The following TENM3 variants were observed in gnomAD, a reference collection of about 807,000 sequenced individuals.
TENM3 encodes teneurin transmembrane protein 3, also known as teneurin-3.
TENM3 carries 63 observed loss-of-function variants against 255.1 expected under a neutral mutation model. That is an observed-to-expected ratio of 0.25 (90% confidence interval 0.20 to 0.30). The LOEUF (loss-of-function observed/expected upper bound fraction) is 0.30, where lower values mean the gene tolerates loss of function less well. TENM3 is among the 10% of genes least tolerant of loss of function. TENM3 has a pLI of 1.00. For missense variants in TENM3, 2,929 were observed against 3,461.1 expected (o/e 0.85, Z 3.86); for synonymous variants, 1,306 against 1,322.3 (o/e 0.99, Z 0.27).
the TENM3 span, among the ~76,000 whole-genome samples, chr4:182,106,455 C>T: frequency 8.5e-5 from 13 of 152,144 alleles, no homozygotes; most frequent in Admixed American, 7.9e-4. Flanking sequence ...AGGCCCCTGC[C>T]TCCAAAAATA....
chr4:182,352,086 T>G (rs1765221203), intron 3 of TENM3, among the ~76,000 whole-genome samples: 5 of 151,990 alleles, frequency 3.3e-5, no homozygotes, highest in African/African-American at 7.2e-5. Context: ...TCAATAGATA[T>G]CTCCTCCTCC....
chr4:182,244,157 T>G (rs559253845), intron 1 of TENM3, among the ~76,000 whole-genome samples: 4,105 of 148,908 alleles, frequency 0.028, 60 homozygotes, highest in Non-Finnish European at 0.038. Context: ...GTTTCACCAT[T>G]TTAGCCGGGA....
At chr4:182,699,042 C>T (rs1579152923) in intron 12 of TENM3, among the ~76,000 whole-genome samples, 1 of 152,154 alleles carries the variant, frequency 6.6e-6, no homozygotes, top group Non-Finnish European at 1.5e-5. Context: ...AAAAGAAATA[C>T]GCTTCACATA....
At chr4:182,151,690 CGAA>C (rs969288728) in intron 1 of TENM3, among the ~76,000 whole-genome samples, 2 of 151,658 alleles carry the variant, frequency 1.3e-5, no homozygotes, top group Non-Finnish European at 2.9e-5. Flanking sequence ...AACAAAAAAA[CGAA>C]GAAACAAAAG....
the TENM3 span, among the ~76,000 whole-genome samples, chr4:181,463,728 A>G: frequency 6.6e-6 from 1 of 152,142 alleles, no homozygotes; most frequent in Admixed American, 6.5e-5. Flanking sequence ...GGGCTGTGCA[A>G]CCATCATCCA....
the TENM3 span, among the ~76,000 whole-genome samples, chr4:181,878,300 A>G: frequency 3.3e-5 from 5 of 151,588 alleles, no homozygotes; most frequent in African/African-American, 1.2e-4. Flanking sequence ...TGATAGAAAA[A>G]TGGGGGGAAA....
chr4:181,905,725 TA>T, the TENM3 span: 1 of 231,492 alleles, frequency 4.3e-6, no homozygotes, highest in Non-Finnish European at 8.5e-6. Context: ...CGGCTCACCT[TA>T]AAAGCCTGGT....
chr4:182,654,003 G>A (rs894422801), intron 6 of TENM3, 110 bp downstream of exon 6: 13 of 995,140 alleles, frequency 1.3e-5, no homozygotes, highest in African/African-American at 8.3e-5. Flanking sequence ...AAAAGTGTTC[G>A]AAATTACAGA....
chr4:181,884,907 T>A, the TENM3 span, among the ~76,000 whole-genome samples: 1 of 152,158 alleles, frequency 6.6e-6, no homozygotes, highest in Non-Finnish European at 1.5e-5. Flanking sequence ...ATTTTCCATA[T>A]GGAAAATGTT....
At chr4:182,702,424 C>T (rs903499391) in intron 12 of TENM3, among the ~76,000 whole-genome samples, 1 of 152,188 alleles carries the variant, frequency 6.6e-6, no homozygotes, top group Non-Finnish European at 1.5e-5. Flanking sequence ...TTTCTTTCCT[C>T]AAAGTCAGAC....
intron 1 of TENM3, chr4:182,190,379 C>G (rs1472060159): frequency 6.6e-6 from 1 of 152,192 alleles, no homozygotes; most frequent in Non-Finnish European, 1.5e-5. Context: ...ATGCACTGTT[C>G]TTTCTGCGTA....
the TENM3 span, among the ~76,000 whole-genome samples, chr4:181,958,761 C>T: frequency 1.3e-5 from 2 of 152,144 alleles, no homozygotes; most frequent in Non-Finnish European, 2.9e-5. Flanking sequence ...CTTGATTATA[C>T]ATTGTAGAAG....
the TENM3 span, among the ~76,000 whole-genome samples, chr4:181,469,369 T>C: frequency 6.6e-6 from 1 of 152,216 alleles, no homozygotes; most frequent in African/African-American, 2.4e-5. Context: ...GCTACTTTTA[T>C]AAATTATTGT....
At chr4:181,828,950 C>A in the TENM3 span, among the ~76,000 whole-genome samples, 2 of 152,134 alleles carry the variant, frequency 1.3e-5, no homozygotes, top group African/African-American at 4.8e-5. Flanking sequence ...CTGTCAGGGA[C>A]CCCCTCTGGT....
the TENM3 span, among the ~76,000 whole-genome samples, chr4:181,766,231 C>G: frequency 3.9e-5 from 6 of 152,250 alleles, no homozygotes; most frequent in South Asian, 1.2e-3. Context: ...TCCATAAATC[C>G]TCTGCGCAAA....
intron 1 of TENM3, among the ~76,000 whole-genome samples, chr4:182,296,970 C>T (rs1319631912): frequency 1.3e-5 from 2 of 152,092 alleles, no homozygotes; most frequent in East Asian, 1.9e-4. Flanking sequence ...GAGAAGACAT[C>T]GAGGCCATAC....
intron 1 of TENM3, among the ~76,000 whole-genome samples, chr4:182,167,148 G>GTGA (rs1371502417): frequency 1.3e-5 from 2 of 152,152 alleles, no homozygotes; most frequent in African/African-American, 4.8e-5. Flanking sequence ...ATCTTTGCTG[G>GTGA]TGCTCAAGCT....
At chr4:181,915,688 G>A in the TENM3 span, among the ~76,000 whole-genome samples, 1 of 148,164 alleles carries the variant, frequency 6.7e-6, no homozygotes, top group African/African-American at 2.5e-5. Flanking sequence ...GGGAGGGGAA[G>A]GGGGGAGGGG....
intron 3 of TENM3, among the ~76,000 whole-genome samples, chr4:182,431,977 G>A (rs1299709180): frequency 6.6e-6 from 1 of 151,814 alleles, no homozygotes; most frequent in Non-Finnish European, 1.5e-5. Flanking sequence ...TCAGGAGGCT[G>A]TGGCAGTAGA....
Sources: gnomAD v4.1 joint callset for allele counts (sites outside exome capture counted in the v4.1 genomes callset) on GRCh38, gnomAD v4.1.1 for gene constraint, MANE v1.5 for transcripts, NCBI Gene and HGNC (gene_info 2026-07-23, HGNC 2026-07-21) for gene names.